The following RPSA2 variants were observed in gnomAD, a reference collection of about 807,000 sequenced individuals.
RPSA2 encodes the protein ribosomal protein SA 2, also known as small ribosomal subunit protein uS2B.
At chr19:23,853,399 A>G in the RPSA2 span, among the ~76,000 whole-genome samples, 67 of 152,346 alleles carry the variant, frequency 4.4e-4, no homozygotes, top group Non-Finnish European at 9.1e-4. Context: ...CAGGGGGGAA[A>G]GAAGATTCCA....
At chr19:23,812,770 A>T in the RPSA2 span, among the ~76,000 whole-genome samples, 1 of 152,118 alleles carries the variant, frequency 6.6e-6, no homozygotes, top group Non-Finnish European at 1.5e-5. Flanking sequence ...CATTTTCGTC[A>T]TGTGTTTAAT....
chr19:23,819,694 G>A, the RPSA2 span, among the ~76,000 whole-genome samples: 2 of 152,112 alleles, frequency 1.3e-5, no homozygotes, highest in African/African-American at 4.8e-5. Flanking sequence ...TAAATTGGCC[G>A]AACAAGATCT....
chr19:23,843,035 T>C, the RPSA2 span: 1 of 152,924 alleles, frequency 6.5e-6, no homozygotes, highest in African/African-American at 2.4e-5. Flanking sequence ...GTTCTAAGTA[T>C]TCTAAAGGTT....
the RPSA2 span, among the ~76,000 whole-genome samples, chr19:23,812,565 T>C: frequency 6.6e-6 from 1 of 151,906 alleles, no homozygotes; most frequent in Non-Finnish European, 1.5e-5. Flanking sequence ...CTGGCAAATT[T>C]TGTATTTTTC....
the RPSA2 span, among the ~76,000 whole-genome samples, chr19:23,792,831 A>T: frequency 6.0e-4 from 92 of 152,220 alleles, no homozygotes; most frequent in African/African-American, 2.1e-3. Context: ...TAAAGATTGC[A>T]AAGATTAGGC....
At chr19:23,835,039 A>G in the RPSA2 span, among the ~76,000 whole-genome samples, 1 of 152,142 alleles carries the variant, frequency 6.6e-6, no homozygotes, top group Non-Finnish European at 1.5e-5. Flanking sequence ...CATTACCTCT[A>G]GCATTTATTC....
At chr19:23,789,362 A>G in the RPSA2 span, among the ~76,000 whole-genome samples, 4 of 152,134 alleles carry the variant, frequency 2.6e-5, no homozygotes, top group Non-Finnish European at 5.9e-5. Flanking sequence ...CCAGGTACCT[A>G]GGTGATGTGA....
At chr19:23,799,808 G>C in the RPSA2 span, among the ~76,000 whole-genome samples, 1 of 152,220 alleles carries the variant, frequency 6.6e-6, no homozygotes, top group Non-Finnish European at 1.5e-5. Flanking sequence ...ATGTGAAAAG[G>C]TTATTTTGTC....
chr19:23,833,126 G>T, the RPSA2 span: 26 of 1,220,064 alleles, frequency 2.1e-5, no homozygotes, highest in Non-Finnish European at 2.7e-5. Context: ...ATTCTTACTG[G>T]TTTAAAACCC....
the RPSA2 span, chr19:23,832,016 CTAA>C: frequency 7.0e-6 from 3 of 426,558 alleles, no homozygotes; most frequent in Admixed American, 2.8e-5. Flanking sequence ...TCAATCCTTA[CTAA>C]TAATAAGAAA....
chr19:23,864,442 C>T, the RPSA2 span, among the ~76,000 whole-genome samples: 3 of 152,134 alleles, frequency 2.0e-5, no homozygotes, highest in South Asian at 2.1e-4. Context: ...CATACCCATA[C>T]CCCAAAGCAT....
chr19:23,765,636 G>T, the RPSA2 span, among the ~76,000 whole-genome samples: 2 of 152,176 alleles, frequency 1.3e-5, no homozygotes. Flanking sequence ...GAGCCTATTG[G>T]AGGAGGGAGA....
At chr19:23,788,771 C>T in the RPSA2 span, among the ~76,000 whole-genome samples, 38 of 152,222 alleles carry the variant, frequency 2.5e-4, no homozygotes, top group Admixed American at 1.9e-3. Flanking sequence ...ATGGGAAGCT[C>T]CTCCCTGGGC....
At chr19:23,780,306 G>A in the RPSA2 span, among the ~76,000 whole-genome samples, 1 of 152,072 alleles carries the variant, frequency 6.6e-6, no homozygotes, top group Admixed American at 6.6e-5. Flanking sequence ...AAAGCCCACC[G>A]ATGAGGCCAT....
At chr19:23,859,072 G>A in the RPSA2 span, among the ~76,000 whole-genome samples, 3 of 152,112 alleles carry the variant, frequency 2.0e-5, no homozygotes, top group Admixed American at 6.5e-5. Flanking sequence ...CCATCTACTC[G>A]ATTTCCTTGA....
At chr19:23,854,457 G>C in the RPSA2 span, among the ~76,000 whole-genome samples, 78,266 of 152,024 alleles carry the variant, frequency 0.51, 20,589 homozygotes, top group South Asian at 0.62. Flanking sequence ...GCTGGGGGCT[G>C]CATTGGGACT....
chr19:23,828,558 GTTT>G, the RPSA2 span, among the ~76,000 whole-genome samples: 1 of 92,328 alleles, frequency 1.1e-5, no homozygotes, highest in Non-Finnish European at 2.1e-5. Context: ...AAATTTTTCA[GTTT>G]TTTTTTTTTG....
At chr19:23,867,751 A>G in the RPSA2 span, among the ~76,000 whole-genome samples, 1 of 150,570 alleles carries the variant, frequency 6.6e-6, no homozygotes, top group Non-Finnish European at 1.5e-5. Context: ...AATGGCGTGA[A>G]CCCGGGAGGC....
chr19:23,763,889 C>T, the RPSA2 span, among the ~76,000 whole-genome samples: 1 of 152,170 alleles, frequency 6.6e-6, no homozygotes, highest in South Asian at 2.1e-4. Context: ...AGACATAAAG[C>T]AAAGGGTTTT....
Sources: allele counts gnomAD v4.1 joint callset (sites outside exome capture counted in the v4.1 genomes callset), GRCh38; gene constraint gnomAD v4.1.1; transcripts MANE v1.5; gene names NCBI Gene and HGNC (gene_info 2026-07-23, HGNC 2026-07-21).